The following HMGCS1 variants were observed in gnomAD, a reference collection of about 807,000 sequenced individuals.
The protein encoded by HMGCS1 is 3-hydroxy-3-methylglutaryl-CoA synthase 1, also known as hydroxymethylglutaryl-CoA synthase, cytoplasmic.
HMGCS1 carries 9 observed loss-of-function variants against 52.3 expected under a neutral mutation model. The ratio of observed to expected loss-of-function variants is 0.17; its 90% CI spans 0.10 to 0.30. The LOEUF (loss-of-function observed/expected upper bound fraction) is 0.30. HMGCS1 is among the 10% of genes least tolerant of loss of function. HMGCS1 has a pLI of 1.00. For synonymous variants in HMGCS1, 176 were observed against 214.4 expected, an observed-to-expected ratio of 0.82 and a Z score of 1.57; for missense variants, 320 against 620.9, an observed-to-expected ratio of 0.52 and a Z score of 5.15.
chr5:43,294,199 G>C, intron 7 of HMGCS1, 37 bp from the exon 8 acceptor site: 1 of 1,267,874 alleles, frequency 7.9e-7, no homozygotes, highest in Non-Finnish European at 1.2e-6. Flanking sequence ...AAGTTTAACT[G>C]ATCCAAAGCT....
At chr5:43,303,210 G>C (rs867503540) in intron 2 of HMGCS1, among the ~76,000 whole-genome samples, 1 of 152,334 alleles carries the variant, frequency 6.6e-6, no homozygotes, top group South Asian at 2.1e-4. Context: ...ATTATGGATT[G>C]AAATGTCTGG....
At position 43,298,939 on chromosome 5, in the gene HMGCS1, T is replaced by C. The variant is rs1266125909; in HGVS notation, c.27A>G (p.Ala9=). MPGSLPLN[A]EACWPKDVGI... is the part of the protein sequence containing the mutation. Reference sequence around the variant, plus strand: ...CCACATCTTTTGGCCAGCAAGCTTCTGCATTCAAAGGAAGTGATCCAGGCA... The same window carrying C: ...CCACATCTTTTGGCCAGCAAGCTTCCGCATTCAAAGGAAGTGATCCAGGCA... Residue 9 remains alanine, a synonymous_variant, in exon 3 of 11, where the codon GCA becomes GCG. Transcript: ENST00000325110. This position sits in a 1 kb window ranked among gnomAD's most constrained non-coding sequence, Gnocchi z 5.6. 6.2e-7 allele frequency: 1 copy of C among 1,613,526 alleles called. No individual in the cohort carries two copies. The highest frequency in any genetic ancestry group is 2.2e-5 in the East Asian group (1 of 44,872).
At position 43,298,130 on chromosome 5, in the gene HMGCS1, C is replaced by G; in HGVS notation, c.453G>C (p.Arg151=). The G allele has an allele frequency of 6.2e-7, 1 of 1,605,120 alleles. No homozygotes were observed. Among genetic ancestry groups the G allele is most frequent in the Non-Finnish European group, 8.5e-7 (1 of 1,177,332 alleles). Residue 151 remains arginine, a synonymous_variant, in exon 4 of 11, where the codon CGG becomes CGC. Coordinates refer to ENST00000325110, the MANE Select transcript of HMGCS1 (RefSeq NM_001098272.3). This position sits in a 1 kb window ranked among gnomAD's most constrained non-coding sequence, Gnocchi z 5.6. The stretch of plus-strand genomic sequence containing the variant: ...TATCTCCTGCAACTACCAGGGCATA[C>G]CGTCCTGAAAAATATTTTTTGTTAT... ...NWIESSSWDG[R]YALVVAGDIA... is the part of the protein sequence containing the mutation.
At chr5:43,296,040 A>AGAGGTTTCATTATACAG in intron 5 of HMGCS1, 123 bp from the exon 6 acceptor site, 1 of 643,914 alleles carries the variant, frequency 1.6e-6, no homozygotes, top group Non-Finnish European at 2.7e-6. Flanking sequence ...ACACTGTATA[A>AGAGGTTTCATTATACAG]TGAAACCTCT....
At chr5:43,291,301 A>C in intron 10 of HMGCS1, 81 bp from the exon 11 acceptor site, 2 of 863,098 alleles carry the variant, frequency 2.3e-6, no homozygotes, top group Non-Finnish European at 4.0e-6. Context: ...AGTTTCTGTA[A>C]AGAAACTTAA....
intron 10 of HMGCS1, among the ~76,000 whole-genome samples, chr5:43,291,532 A>G (rs1753767807): frequency 6.6e-6 from 1 of 152,132 alleles, no homozygotes; most frequent in African/African-American, 2.4e-5. Flanking sequence ...TTGCTACCTA[A>G]TTTGTATAAT....
chr5:43,309,005 CTA>C (rs549576176), intron 1 of HMGCS1, among the ~76,000 whole-genome samples: 23 of 151,980 alleles, frequency 1.5e-4, no homozygotes, highest in African/African-American at 5.3e-4. Context: ...AGAAAATAAC[CTA>C]TCTTTGTTCT....
chr5:43,292,253 A>C (rs1246337205), intron 10 of HMGCS1, among the ~76,000 whole-genome samples: 1 of 152,022 alleles, frequency 6.6e-6, no homozygotes, highest in Non-Finnish European at 1.5e-5. Context: ...AGTCTCCCAA[A>C]GTGCTGGGAT....
At chr5:43,292,388 T>TGAATTAC in intron 10 of HMGCS1, 86 bp downstream of exon 10, 3 of 1,153,988 alleles carry the variant, frequency 2.6e-6, no homozygotes, top group Admixed American at 2.1e-5. Flanking sequence ...GCCCTTACTC[T>TGAATTAC]TCTTTACTGA....
In HMGCS1 at chr5:43,289,564, C is replaced by T. The variant is rs909345339; in HGVS notation, c.*1567G>A. On this transcript the variant is annotated 3_prime_UTR_variant, in exon 11 of 11. Coordinates refer to ENST00000325110, the MANE Select transcript of HMGCS1 (RefSeq NM_001098272.3). ...TTAAATTACTCTTTTCAAAACATAC[C>T]GATCTCCCCAACACTTGCAAAAGTA... The T allele has an allele frequency of 2.2e-4, 34 of 152,498 alleles. No homozygotes were observed. The highest frequency in any genetic ancestry group is 7.7e-4 in the African/African-American group (32 of 41,404). 9.4% of individuals were successfully genotyped at this position (152,498 alleles called of 1,614,324 possible). A position where few individuals can be genotyped will look rare whatever the true frequency, so the allele number is the denominator to read the frequency against.
chr5:43,311,580 C>T (rs1198833433), intron 1 of HMGCS1, among the ~76,000 whole-genome samples: 1 of 152,110 alleles, frequency 6.6e-6, no homozygotes, highest in Admixed American at 6.5e-5. Context: ...TATGGAAGAT[C>T]CAACCAGGTT....
intron 2 of HMGCS1, among the ~76,000 whole-genome samples, chr5:43,300,217 G>A (rs1297411312): frequency 8.5e-5 from 13 of 152,184 alleles, no homozygotes. Flanking sequence ...GTAATTGTGA[G>A]GCTTTGAAGA....
chr5:43,302,215 AAG>A (rs1191836627), intron 2 of HMGCS1, among the ~76,000 whole-genome samples: 1 of 152,064 alleles, frequency 6.6e-6, no homozygotes, highest in African/African-American at 2.4e-5. Flanking sequence ...AAAACACACA[AAG>A]AGAACTACAC....
chr5:43,297,609 G>A (rs2088420142), intron 4 of HMGCS1, among the ~76,000 whole-genome samples: 1 of 152,156 alleles, frequency 6.6e-6, no homozygotes, highest in South Asian at 2.1e-4. Flanking sequence ...GGGAGGTTGA[G>A]GGGGGCGGAT....
chr5:43,301,862 C>T (rs1270678616), intron 2 of HMGCS1, among the ~76,000 whole-genome samples: 3 of 152,204 alleles, frequency 2.0e-5, no homozygotes, highest in African/African-American at 7.2e-5. Context: ...AAAATGTATA[C>T]AATGACTTCC....
In HMGCS1 at chr5:43,290,922, C is replaced by G; in HGVS notation, c.*209G>C. The G allele has an allele frequency of 1.9e-6, 1 of 519,824 alleles. No individual in the cohort carries two copies. Among genetic ancestry groups the G allele is most frequent in the South Asian group, 3.0e-5 (1 of 33,708 alleles). 32.2% of individuals were successfully genotyped at this position (519,824 alleles called of 1,614,324 possible). A position where few individuals can be genotyped will look rare whatever the true frequency, so the allele number is the denominator to read the frequency against. On this transcript the variant is annotated 3_prime_UTR_variant, in exon 11 of 11. Coordinates refer to ENST00000325110, the MANE Select transcript of HMGCS1 (RefSeq NM_001098272.3). Reference sequence around the variant, plus strand: ...ATCATTCGAGTACATTTGGCATTGGCCAGACCACAACAGGAAGCATGTCAG... The same window carrying G: ...ATCATTCGAGTACATTTGGCATTGGGCAGACCACAACAGGAAGCATGTCAG...
chr5:43,301,257 T>A (rs1440856110), intron 2 of HMGCS1, among the ~76,000 whole-genome samples: 1 of 152,202 alleles, frequency 6.6e-6, no homozygotes, highest in African/African-American at 2.4e-5. Flanking sequence ...GAATGAAATG[T>A]GAGCTGAGTG....
intron 1 of HMGCS1, among the ~76,000 whole-genome samples, chr5:43,311,085 G>C (rs986501411): frequency 6.6e-6 from 1 of 152,150 alleles, no homozygotes; most frequent in African/African-American, 2.4e-5. Context: ...AGCACTTTGG[G>C]AGGCCAAGGC....
intron 1 of HMGCS1, among the ~76,000 whole-genome samples, chr5:43,312,749 G>A (rs1754934905): frequency 6.6e-6 from 1 of 152,130 alleles, no homozygotes; most frequent in Non-Finnish European, 1.5e-5. Flanking sequence ...GAGATTTGAA[G>A]CAAGTACAGA....
Sources: gnomAD v4.1 joint callset for allele counts (sites outside exome capture counted in the v4.1 genomes callset) on GRCh38, gnomAD v4.1.1 for gene constraint, Gnocchi (gnomAD v3.1) non-coding constraint, MANE v1.5 for transcripts, NCBI Gene and HGNC (gene_info 2026-07-23, HGNC 2026-07-21) for gene names.